Variants in NLGN1 observed in about 807,000 individuals in gnomAD.
The protein encoded by NLGN1 is neuroligin 1, also known as neuroligin-1.
A neutral mutation model predicts 65.5 loss-of-function variants in NLGN1; 12 were observed. The observed-to-expected ratio is 0.18, with a 90% CI of 0.12 to 0.30. The LOEUF (loss-of-function observed/expected upper bound fraction) is 0.30. NLGN1 is among the 10% of genes least tolerant of loss of function. The pLI is 1.00. For missense variants in NLGN1, 750 were observed against 1,007.1 expected (o/e 0.74, Z 3.46); for synonymous variants, 350 against 359.5 (o/e 0.97, Z 0.30).
chr3:173,791,802 T>C (rs7629797), intron 3 of NLGN1, among the ~76,000 whole-genome samples: 130,222 of 152,054 alleles, frequency 0.86, 56,671 homozygotes, highest in African/African-American at 0.93. Context: ...CTAGACCTAG[T>C]TCTGCTTCTG....
chr3:173,603,155 A>G (rs1750818779), intron 2 of NLGN1, among the ~76,000 whole-genome samples: 2 of 152,254 alleles, frequency 1.3e-5, no homozygotes, highest in Middle Eastern at 3.4e-3. Context: ...CCCATAATAT[A>G]CAGGATAGAA....
intron 4 of NLGN1, among the ~76,000 whole-genome samples, chr3:173,900,769 T>C (rs1737198721): frequency 6.6e-6 from 1 of 151,998 alleles, no homozygotes; most frequent in South Asian, 2.1e-4. Flanking sequence ...CAAAATTTAT[T>C]TTCACCAGTA....
chr3:174,166,046 G>C (rs546892706), intron 4 of NLGN1, among the ~76,000 whole-genome samples: 3 of 151,846 alleles, frequency 2.0e-5, no homozygotes, highest in African/African-American at 7.2e-5. Flanking sequence ...ATAATGCCAC[G>C]TTTGTCATTT....
chr3:173,452,634 A>T (rs1721805509), intron 2 of NLGN1, among the ~76,000 whole-genome samples: 1 of 152,220 alleles, frequency 6.6e-6, no homozygotes, highest in South Asian at 2.1e-4. Context: ...AGTACTTATC[A>T]TTCCATAGTA....
At chr3:174,066,556 C>G (rs879718918) in intron 4 of NLGN1, among the ~76,000 whole-genome samples, 19,040 of 132,314 alleles carry the variant, frequency 0.14, 1,509 homozygotes, top group African/African-American at 0.18. Flanking sequence ...CTCTCTCTCT[C>G]TCTCTCTCTG....
intron 3 of NLGN1, among the ~76,000 whole-genome samples, chr3:173,671,999 C>T (rs1762515057): frequency 2.0e-5 from 3 of 151,478 alleles, no homozygotes; most frequent in African/African-American, 7.3e-5. Flanking sequence ...ATGGTGAAAC[C>T]CCGTCTCTAC....
chr3:173,473,040 T>A (rs1260875164), intron 2 of NLGN1, among the ~76,000 whole-genome samples: 1 of 152,148 alleles, frequency 6.6e-6, no homozygotes, highest in Non-Finnish European at 1.5e-5. Flanking sequence ...ATCTGGCAAT[T>A]GTGTATAAAG....
At chr3:173,933,373 C>T (rs1321620915) in intron 4 of NLGN1, among the ~76,000 whole-genome samples, 1 of 152,074 alleles carries the variant, frequency 6.6e-6, no homozygotes, top group Non-Finnish European at 1.5e-5. Flanking sequence ...ACAATAAGAA[C>T]CATTTCAGTC....
chr3:173,734,288 T>C (rs1773354677), intron 3 of NLGN1, among the ~76,000 whole-genome samples: 1 of 151,280 alleles, frequency 6.6e-6, no homozygotes, highest in Non-Finnish European at 1.5e-5. Flanking sequence ...TAGTTCAAGA[T>C]AATAAACACT....
chr3:173,847,361 A>G (rs972759081), intron 4 of NLGN1, among the ~76,000 whole-genome samples: 1 of 152,200 alleles, frequency 6.6e-6, no homozygotes, highest in Non-Finnish European at 1.5e-5. Context: ...CACATCTTAA[A>G]GATGATATGG....
At chr3:174,072,371 GA>G (rs1740083439) in intron 4 of NLGN1, among the ~76,000 whole-genome samples, 2 of 152,144 alleles carry the variant, frequency 1.3e-5, no homozygotes, top group African/African-American at 4.8e-5. Context: ...GTAAGATAGG[GA>G]CTAGAGAAAG....
intron 1 of NLGN1, among the ~76,000 whole-genome samples, chr3:173,432,549 C>T (rs904857578): frequency 2.0e-5 from 3 of 152,116 alleles, no homozygotes; most frequent in African/African-American, 7.2e-5. Flanking sequence ...TTACTAAGGA[C>T]TTTGGCCAAT....
intron 4 of NLGN1, among the ~76,000 whole-genome samples, chr3:174,036,533 AAC>A (rs1236852766): frequency 2.0e-5 from 3 of 152,076 alleles, no homozygotes; most frequent in African/African-American, 7.2e-5. Context: ...GAACAACCCA[AAC>A]ACATTTTATC....
chr3:173,687,673 T>G (rs981776315), intron 3 of NLGN1, among the ~76,000 whole-genome samples: 3 of 152,244 alleles, frequency 2.0e-5, no homozygotes, highest in Non-Finnish European at 4.4e-5. Context: ...GTCGATGTCA[T>G]CAGCTCAGAT....
intron 2 of NLGN1, among the ~76,000 whole-genome samples, chr3:173,479,611 A>G (rs1726896968): frequency 6.6e-6 from 1 of 152,112 alleles, no homozygotes; most frequent in African/African-American, 2.4e-5. Flanking sequence ...ATCAACCCAG[A>G]GGAGTTCTGT....
chr3:173,641,752 C>A (rs990862727), intron 3 of NLGN1, among the ~76,000 whole-genome samples: 1 of 152,126 alleles, frequency 6.6e-6, no homozygotes, highest in African/African-American at 2.4e-5. Flanking sequence ...ACTGGGGTGG[C>A]ATTGACCTAG....
chr3:174,018,793 C>T (rs978634296), intron 4 of NLGN1, among the ~76,000 whole-genome samples: 1 of 152,022 alleles, frequency 6.6e-6, no homozygotes, highest in Non-Finnish European at 1.5e-5. Flanking sequence ...GTTGATACTG[C>T]CTTGATTAAA....
At chr3:173,480,255 A>G (rs1275576943) in intron 2 of NLGN1, among the ~76,000 whole-genome samples, 1 of 152,158 alleles carries the variant, frequency 6.6e-6, no homozygotes, top group Non-Finnish European at 1.5e-5. Context: ...TCATAGACTG[A>G]GAATCAGATG....
intron 4 of NLGN1, among the ~76,000 whole-genome samples, chr3:173,949,759 T>G (rs1747852188): frequency 6.6e-6 from 1 of 152,204 alleles, no homozygotes; most frequent in East Asian, 1.9e-4. Flanking sequence ...TATACAAATT[T>G]ATTACCGTGA....
Sources: gnomAD v4.1 joint callset for allele counts (sites outside exome capture counted in the v4.1 genomes callset) on GRCh38, gnomAD v4.1.1 for gene constraint, MANE v1.5 for transcripts, NCBI Gene and HGNC (gene_info 2026-07-23, HGNC 2026-07-21) for gene names.